GCDH: variants seen among roughly 807,000 people sequenced by gnomAD.
GCDH encodes the protein glutaryl-CoA dehydrogenase.
A neutral mutation model predicts 52.8 loss-of-function variants in GCDH; 31 were observed. That is an observed-to-expected ratio of 0.59 (90% CI 0.44 to 0.79). The LOEUF is 0.79. Among genes scored for constraint, GCDH ranks in the 30% least tolerant of loss-of-function variants. GCDH has a pLI of 0.00. For synonymous variants in GCDH, 242 were observed against 250.0 expected (o/e 0.97, Z 0.30); for missense variants, 509 against 595.0 (o/e 0.86, Z 1.50).
At position 12,899,699 on chromosome 19, in the gene GCDH, G is replaced by C; in HGVS notation, c.*158G>C. The stretch of plus-strand genomic sequence containing the variant: ...TAAATATCAAAATTTCCCTTCTGAA[G>C]TCGTTCAGATGTGTTCCTTAAAAAG... On this transcript the variant is annotated 3_prime_UTR_variant, in exon 12 of 12. Coordinates refer to ENST00000222214, the MANE Select transcript of GCDH (RefSeq NM_000159.4). 6.2e-7 allele frequency: 1 copy of C among 1,612,160 alleles called. No homozygotes were observed. The highest frequency in any genetic ancestry group is 8.5e-7 in the Non-Finnish European group (1 of 1,179,062).
rs762345287 is a variant in GCDH at position 12,896,202 on chromosome 19, C to CA, written c.636-2dup. 1 of 1,614,154 alleles carries CA rather than the reference C, an allele frequency of 6.2e-7. No individual in the cohort carries two copies. Among genetic ancestry groups the CA allele is most frequent in the African/African-American group, 1.3e-5 (1 of 75,046 alleles). On this transcript the variant is annotated splice_polypyrimidine_tract_variant and splice_region_variant and intron_variant, in intron 7 of 11. Coordinates refer to ENST00000222214, the MANE Select transcript of GCDH (RefSeq NM_000159.4). This position sits in a 1 kb window ranked among gnomAD's most constrained non-coding sequence, Gnocchi z 5.5. ...GACCCCTCACCGACTGTTCCATCCCCAGGATCACGAACTCGCCTATGGCCG... is the reference window on the plus strand; with the variant it reads ...GACCCCTCACCGACTGTTCCATCCCCAAGGATCACGAACTCGCCTATGGCCG...
At chr19:12,897,556 C>A in intron 10 of GCDH, 128 bp downstream of exon 10, 2 of 1,434,462 alleles carry the variant, frequency 1.4e-6, no homozygotes, top group Non-Finnish European at 2.0e-6. Context: ...TCCCTCTTGT[C>A]CTTGATGGGC....
chr19:12,892,003 T>G (rs1312923666), intron 4 of GCDH, 29 bp downstream of exon 4: 1 of 1,614,020 alleles, frequency 6.2e-7, no homozygotes, highest in Non-Finnish European at 8.5e-7. Context: ...GCCCTGAGAC[T>G]GCTCCTCCGC....
At position 12,897,297 on chromosome 19, in the gene GCDH, A is replaced by T. The variant is rs748270195; in HGVS notation, c.957-6A>T. The T allele has an allele frequency of 1.2e-6, 2 of 1,613,506 alleles. No homozygotes were observed. Among genetic ancestry groups the T allele is most frequent in the African/African-American group, 2.7e-5 (2 of 74,922 alleles). The stretch of plus-strand genomic sequence containing the variant: ...CCTCGCTCTTACCCTGCCATTGCCC[A>T]TGTAGGATGCAGTTTGGTGTCCCAC... On this transcript the variant is annotated splice_region_variant and splice_polypyrimidine_tract_variant and intron_variant, in intron 9 of 11. Coordinates refer to ENST00000222214, the MANE Select transcript of GCDH (RefSeq NM_000159.4).
At position 12,896,080 on chromosome 19, in the gene GCDH, C is replaced by G; in HGVS notation, c.594C>G (p.Asn198Lys). The stretch of plus-strand genomic sequence containing the variant: ...GCATGGAGACCAGAGCCCACTACAA[C>G]TCATCCAACAAGAGCTACACCCTCA... Reference protein sequence around the residue: ...PSSMETRAHYNSSNKSYTLNG... With the variant: ...PSSMETRAHYKSSNKSYTLNG... Residue 198 changes from asparagine (N) to lysine (K), a missense_variant, in exon 7 of 12, where the codon AAC (asparagine) becomes AAG (lysine). Asn to Lys is a moderately conservative substitution (Grantham distance 94, BLOSUM62 0). Coordinates refer to ENST00000222214, the MANE Select transcript of GCDH (RefSeq NM_000159.4). This position sits in a 1 kb window ranked among gnomAD's most constrained non-coding sequence, Gnocchi z 5.5. 5 of 1,614,098 alleles carry G rather than the reference C, an allele frequency of 3.1e-6. No homozygotes were observed. The highest frequency in any genetic ancestry group is 3.4e-6 in the Non-Finnish European group (4 of 1,180,006).
chr19:12,897,439 T>A lies in GCDH; in HGVS notation c.1082+11T>A. The A allele has an allele frequency of 6.2e-7, 1 of 1,609,428 alleles. No homozygotes were observed. On this transcript the variant is annotated intron_variant, in intron 10 of 11. Transcript: ENST00000222214. ...GAAGGACCAGGACAAGTAGGGGCTG[T>A]GTGGTGGGGGCGGGGGGATGGCAGC...
At chr19:12,891,789 A>T in intron 3 of GCDH, 42 bp from the exon 4 acceptor site, 1 of 1,612,350 alleles carries the variant, frequency 6.2e-7, no homozygotes, top group Non-Finnish European at 8.5e-7. Flanking sequence ...GGGAGGGCAC[A>T]GTGATCTTGC....
intron 11 of GCDH, 89 bp from the exon 12 acceptor site, chr19:12,899,379 C>T (rs747924530): frequency 6.2e-7 from 1 of 1,614,166 alleles, no homozygotes; most frequent in Non-Finnish European, 8.5e-7. Context: ...ACTTCTGAAG[C>T]AGTGGCCTGG....
intron 9 of GCDH, 21 bp downstream of exon 9, chr19:12,897,034 G>A (rs773221979): frequency 6.3e-7 from 1 of 1,579,938 alleles, no homozygotes; most frequent in Admixed American, 1.7e-5. Context: ...GCTGCAGTGA[G>A]ATTCTCTGGG....
In GCDH at chr19:12,896,493, C is replaced by A; in HGVS notation, c.852+72C>A. On this transcript the variant is annotated intron_variant, in intron 8 of 11. Coordinates refer to ENST00000222214, the MANE Select transcript of GCDH (RefSeq NM_000159.4). The surrounding 1 kb of genome is among the most constrained non-coding windows in gnomAD (Gnocchi z 5.5). ...GCGGCTTTGTCAGGCAGGCTCCGTG[C>A]TGGGGACGCGGCTCCCTGTGCCTGT... 1.7e-6 allele frequency: 2 copies of A among 1,168,150 alleles called. No individual in the cohort carries two copies. Among genetic ancestry groups the A allele is most frequent in the Non-Finnish European group, 2.5e-6 (2 of 800,946 alleles). The allele number at this position is 1,168,150 out of a possible 1,614,324, so 72.4% of individuals were successfully genotyped here.
At chr19:12,895,313 G>A (rs550655920) in intron 6 of GCDH, among the ~76,000 whole-genome samples, 1 of 152,064 alleles carries the variant, frequency 6.6e-6, no homozygotes, top group African/African-American at 2.4e-5. Context: ...AGGCTGAAGT[G>A]CAGTGGTACA....
rs138133019 is a variant in GCDH at position 12,897,002 on chromosome 19, C to T, written c.945C>T (p.Tyr315=). 52 of 1,611,154 alleles carry T rather than the reference C, an allele frequency of 3.2e-5. No homozygotes were observed. The highest frequency in any genetic ancestry group is 5.3e-5 in the African/African-American group (4 of 74,898). Reference sequence around the variant, plus strand: ...TCTGCTTGCACACAGCCCGGCAGTACGCCCTCGACAGGTGTGTGAGGGCTG... The same window carrying T: ...TCTGCTTGCACACAGCCCGGCAGTATGCCCTCGACAGGTGTGTGAGGGCTG... ...SEFCLHTARQ[Y]ALDRMQFGVP... Residue 315 remains tyrosine, a synonymous_variant, in exon 9 of 12, where the codon TAC becomes TAT. Transcript: ENST00000222214.
chr19:12,897,434 G>T lies in GCDH; in HGVS notation c.1082+6G>T. The T allele has an allele frequency of 6.2e-7, 1 of 1,613,448 alleles. No homozygotes were observed. Among genetic ancestry groups the T allele is most frequent in the Non-Finnish European group, 8.5e-7 (1 of 1,179,864 alleles). ...CGCTTGAAGGACCAGGACAAGTAGGGGCTGTGTGGTGGGGGCGGGGGGATG... is the reference window on the plus strand; with the variant it reads ...CGCTTGAAGGACCAGGACAAGTAGGTGCTGTGTGGTGGGGGCGGGGGGATG... On this transcript the variant is annotated splice_donor_region_variant and intron_variant, in intron 10 of 11. Coordinates refer to ENST00000222214, the MANE Select transcript of GCDH (RefSeq NM_000159.4).
At chr19:12,894,822 GAC>G (rs1292462553) in intron 6 of GCDH, 1 of 621,820 alleles carries the variant, frequency 1.6e-6, no homozygotes, top group Non-Finnish European at 2.7e-6. Context: ...ATCGTGAAGA[GAC>G]GCAGACTGTC....
At chr19:12,899,289 TCA>T (rs1008684561) in intron 11 of GCDH, 177 bp from the exon 12 acceptor site, 6 of 1,499,688 alleles carry the variant, frequency 4.0e-6, no homozygotes, top group Non-Finnish European at 5.6e-6. Context: ...AATGGTGGCC[TCA>T]CAGTCTTCTC....
In GCDH at chr19:12,896,470, G is replaced by A. The variant is rs778733477; in HGVS notation, c.852+49G>A. On this transcript the variant is annotated intron_variant, in intron 8 of 11. Transcript: ENST00000222214. The surrounding 1 kb of genome is among the most constrained non-coding windows in gnomAD (Gnocchi z 5.5). ...TGGGTGTTGGGTCACCTGCGGATGC[G>A]GCTTTGTCAGGCAGGCTCCGTGCTG... is the stretch of plus-strand genomic sequence containing the variant. The A allele has an allele frequency of 6.5e-6, 9 of 1,380,078 alleles. No individual in the cohort carries two copies. Among genetic ancestry groups the A allele is most frequent in the East Asian group, 4.8e-5 (2 of 42,088 alleles). 85.5% of individuals were successfully genotyped at this position (1,380,078 alleles called of 1,614,324 possible).
Position 12,897,357 on chromosome 19 carries a change from A to G in GCDH, c.1011A>G (p.Ala337=), listed in dbSNP as rs2229460. 1.1e-3 allele frequency: 1,751 copies of G among 1,613,784 alleles called. 23 individuals are homozygous for G. The East Asian group carries it at 0.032, about 29-fold the overall frequency. ...ACCAGCTGATTCAGAAGAAGCTGGC[A>G]GACATGCTCACTGAGATTACCCTGG... is the stretch of plus-strand genomic sequence containing the variant. The part of the protein sequence containing the change: ...ARNQLIQKKL[A]DMLTEITLGL... Residue 337 remains alanine, a synonymous_variant, in exon 10 of 12, where the codon GCA becomes GCG. Transcript: ENST00000222214.
intron 6 of GCDH, among the ~76,000 whole-genome samples, chr19:12,895,062 C>T (rs984274613): frequency 3.3e-5 from 5 of 152,044 alleles, no homozygotes; most frequent in African/African-American, 1.2e-4. Flanking sequence ...ACATCTGTTC[C>T]CTCTCCCAGC....
rs1568428104 is a variant in GCDH, at chr19:12,896,481, G to T, written c.852+60G>T. On this transcript the variant is annotated intron_variant, in intron 8 of 11. Coordinates refer to ENST00000222214, the MANE Select transcript of GCDH (RefSeq NM_000159.4). This position sits in a 1 kb window ranked among gnomAD's most constrained non-coding sequence, Gnocchi z 5.5. ...TCACCTGCGGATGCGGCTTTGTCAG[G>T]CAGGCTCCGTGCTGGGGACGCGGCT... 1 of 1,307,108 alleles carries T rather than the reference G, an allele frequency of 7.7e-7. No individual in the cohort carries two copies. Among genetic ancestry groups the T allele is most frequent in the Non-Finnish European group, 1.1e-6 (1 of 921,798 alleles). The allele number at this position is 1,307,108 out of a possible 1,614,324, so 81.0% of individuals were successfully genotyped here.
Sources: allele counts gnomAD v4.1 joint callset (sites outside exome capture counted in the v4.1 genomes callset), GRCh38; gene constraint gnomAD v4.1.1; non-coding constraint Gnocchi (gnomAD v3.1); transcripts MANE v1.5; gene names NCBI Gene and HGNC (gene_info 2026-07-23, HGNC 2026-07-21).